FAF1: variants seen among roughly 807,000 people sequenced by gnomAD.
The protein encoded by FAF1 is FAS-associated factor 1.
A neutral mutation model predicts 92.5 loss-of-function variants in FAF1; 25 were observed. That is an observed-to-expected ratio of 0.27 (90% CI 0.20 to 0.38). The LOEUF is 0.38. FAF1 is among the 10% of genes least tolerant of loss of function. The pLI is 1.00. For synonymous variants in FAF1, 234 were observed against 273.2 expected (o/e 0.86, Z 1.42); for missense variants, 636 against 793.3 (o/e 0.80, Z 2.38).
intron 1 of FAF1, among the ~76,000 whole-genome samples, chr1:50,858,870 C>T (rs1388564263): frequency 6.6e-6 from 1 of 151,780 alleles, no homozygotes; most frequent in Admixed American, 6.6e-5. Flanking sequence ...TGACCCAGCT[C>T]ATGGCAGTGT....
chr1:50,693,282 A>G (rs1035419282), intron 7 of FAF1, among the ~76,000 whole-genome samples: 9 of 152,132 alleles, frequency 5.9e-5, no homozygotes, highest in Non-Finnish European at 1.5e-5. Context: ...GCATGTAGAT[A>G]TCTAGTTGTC....
At chr1:50,913,492 T>C (rs1043797743) in intron 1 of FAF1, among the ~76,000 whole-genome samples, 2 of 152,194 alleles carry the variant, frequency 1.3e-5, no homozygotes, top group Non-Finnish European at 2.9e-5. Context: ...TTAGAGACCT[T>C]GCAGATTTCT....
At chr1:50,598,699 G>C (rs922133285) in intron 8 of FAF1, among the ~76,000 whole-genome samples, 1 of 152,090 alleles carries the variant, frequency 6.6e-6, no homozygotes, top group African/African-American at 2.4e-5. Flanking sequence ...TGCTGGGCGC[G>C]GTGGCTCACG....
intron 7 of FAF1, among the ~76,000 whole-genome samples, chr1:50,666,781 G>A (rs1167085617): frequency 6.6e-6 from 1 of 152,110 alleles, no homozygotes; most frequent in Non-Finnish European, 1.5e-5. Context: ...TACTCGGGAG[G>A]CTGAGGCAGG....
intron 3 of FAF1, among the ~76,000 whole-genome samples, chr1:50,789,492 T>C (rs1661490504): frequency 6.6e-6 from 1 of 152,162 alleles, no homozygotes; most frequent in African/African-American, 2.4e-5. Context: ...CCTTCTTCTC[T>C]TTCATCCCAC....
intron 1 of FAF1, among the ~76,000 whole-genome samples, chr1:50,892,546 T>C (rs928942395): frequency 6.6e-6 from 1 of 152,238 alleles, no homozygotes; most frequent in African/African-American, 2.4e-5. Context: ...AGGTTTCCAC[T>C]GAAAACTCTG....
chr1:50,518,224 TAG>T (rs1340126972), intron 15 of FAF1, among the ~76,000 whole-genome samples: 1 of 152,214 alleles, frequency 6.6e-6, no homozygotes, highest in East Asian at 1.9e-4. Flanking sequence ...GTATAACTTT[TAG>T]AGACTGATAT....
chr1:50,743,579 C>T (rs1049816415), intron 5 of FAF1, among the ~76,000 whole-genome samples: 5 of 151,912 alleles, frequency 3.3e-5, no homozygotes, highest in East Asian at 2.0e-4. Context: ...TCACTTGCCT[C>T]GGCCTCCCAA....
chr1:50,833,021 T>C (rs1644168516), intron 2 of FAF1, among the ~76,000 whole-genome samples: 1 of 152,110 alleles, frequency 6.6e-6, no homozygotes, highest in South Asian at 2.1e-4. Context: ...TGGCCTTTTT[T>C]TCCCCCTTAC....
chr1:50,822,354 A>G (rs1471464833), intron 2 of FAF1, among the ~76,000 whole-genome samples: 4 of 152,202 alleles, frequency 2.6e-5, no homozygotes, highest in Non-Finnish European at 5.9e-5. Flanking sequence ...GGTACCTTAA[A>G]CAATTCACCT....
chr1:50,472,570 G>A (rs897007779), intron 18 of FAF1, among the ~76,000 whole-genome samples: 6 of 152,040 alleles, frequency 3.9e-5, no homozygotes, highest in African/African-American at 1.2e-4. Context: ...TAGACAGCTC[G>A]GAAATCTTAA....
At chr1:50,674,375 A>G (rs959088168) in intron 7 of FAF1, among the ~76,000 whole-genome samples, 2 of 151,706 alleles carry the variant, frequency 1.3e-5, no homozygotes, top group Admixed American at 6.6e-5. Context: ...TGTTACTCAC[A>G]CTATTCACTT....
intron 2 of FAF1, among the ~76,000 whole-genome samples, chr1:50,851,371 T>C (rs1644347911): frequency 6.6e-6 from 1 of 152,160 alleles, no homozygotes; most frequent in Non-Finnish European, 1.5e-5. Context: ...CTGCACCAAG[T>C]CTAAATTTTT....
At chr1:50,676,504 A>G (rs1211676396) in intron 7 of FAF1, among the ~76,000 whole-genome samples, 1 of 151,816 alleles carries the variant, frequency 6.6e-6, no homozygotes, top group Non-Finnish European at 1.5e-5. Flanking sequence ...TCAATGTAAC[A>G]ATCACCCTGG....
chr1:50,446,027 G>C (rs968883382), intron 18 of FAF1, among the ~76,000 whole-genome samples: 1 of 152,162 alleles, frequency 6.6e-6, no homozygotes, highest in Non-Finnish European at 1.5e-5. Flanking sequence ...TATCACTGCT[G>C]TTGAGAAAAA....
chr1:50,601,726 A>G (rs957812611), intron 8 of FAF1, among the ~76,000 whole-genome samples: 1 of 142,638 alleles, frequency 7.0e-6, no homozygotes, highest in East Asian at 2.0e-4. Context: ...CACTATATAT[A>G]TTCATATACA....
chr1:50,754,185 T>C (rs570999195), intron 4 of FAF1, among the ~76,000 whole-genome samples: 2 of 152,330 alleles, frequency 1.3e-5, no homozygotes, highest in South Asian at 2.1e-4. Context: ...CCTGACATTG[T>C]AAATTTTATC....
intron 8 of FAF1, among the ~76,000 whole-genome samples, chr1:50,604,756 AG>A (rs1190851868): frequency 6.6e-6 from 1 of 152,050 alleles, no homozygotes; most frequent in African/African-American, 2.4e-5. Flanking sequence ...GCTGGTCTTG[AG>A]CTCCTGGGCT....
chr1:50,869,328 T>C (rs1277616328), intron 1 of FAF1, among the ~76,000 whole-genome samples: 1 of 152,162 alleles, frequency 6.6e-6, no homozygotes, highest in East Asian at 1.9e-4. Flanking sequence ...TGCCTCTATA[T>C]CAAAGTATTT....
Sources: allele counts gnomAD v4.1 joint callset (sites outside exome capture counted in the v4.1 genomes callset), GRCh38; gene constraint gnomAD v4.1.1; transcripts MANE v1.5; gene names NCBI Gene and HGNC (gene_info 2026-07-23, HGNC 2026-07-21).